PTPN4: variants seen among roughly 807,000 people sequenced by gnomAD.
The protein encoded by PTPN4 is protein tyrosine phosphatase non-receptor type 4, also known as tyrosine-protein phosphatase non-receptor type 4.
A neutral mutation model predicts 135.5 loss-of-function variants in PTPN4; 49 were observed. That is an observed-to-expected ratio of 0.36 (90% CI 0.29 to 0.46). The LOEUF is 0.46. PTPN4 is among the 20% of genes least tolerant of loss of function. PTPN4 has a pLI of 1.00. For synonymous variants in PTPN4, 333 were observed against 369.9 expected (o/e 0.90, Z 1.14); for missense variants, 860 against 1,101.0 (o/e 0.78, Z 3.10).
chr2:119,903,938 T>C (rs1277228284), intron 10 of PTPN4, among the ~76,000 whole-genome samples: 2 of 152,208 alleles, frequency 1.3e-5, no homozygotes, highest in Non-Finnish European at 2.9e-5. Context: ...GTGAAGACTA[T>C]GCTACTGCAC....
chr2:119,862,299 T>C (rs1677772548), intron 2 of PTPN4, among the ~76,000 whole-genome samples: 1 of 152,172 alleles, frequency 6.6e-6, no homozygotes, highest in Non-Finnish European at 1.5e-5. Flanking sequence ...ATGAAAACAG[T>C]TACCAAGTTA....
intron 19 of PTPN4, among the ~76,000 whole-genome samples, chr2:119,954,003 T>A (rs1679245615): frequency 6.6e-6 from 1 of 152,234 alleles, no homozygotes; most frequent in South Asian, 2.1e-4. Context: ...AACCTGCATC[T>A]GTTTTCAGTG....
intron 2 of PTPN4, among the ~76,000 whole-genome samples, chr2:119,855,152 G>T (rs145775235): frequency 1.3e-5 from 2 of 152,210 alleles, no homozygotes; most frequent in East Asian, 3.9e-4. Flanking sequence ...GTTTTTCTAA[G>T]ATGATGTTTT....
At chr2:119,778,514 A>G (rs940959189) in intron 1 of PTPN4, among the ~76,000 whole-genome samples, 4 of 152,202 alleles carry the variant, frequency 2.6e-5, no homozygotes, top group African/African-American at 9.7e-5. Flanking sequence ...GTGAATAAAC[A>G]GGTATATTGA....
intron 3 of PTPN4, among the ~76,000 whole-genome samples, chr2:119,868,155 C>T (rs111768572): frequency 0.023 from 3,533 of 152,196 alleles, 128 homozygotes; most frequent in African/African-American, 0.077. Context: ...AAGAAAGGAA[C>T]CTTTTTACTC....
chr2:119,960,719 C>T (rs891056069), intron 22 of PTPN4, 88 bp from the exon 23 acceptor site: 23 of 1,343,478 alleles, frequency 1.7e-5, no homozygotes, highest in Non-Finnish European at 2.3e-5. Flanking sequence ...GTTGTATTCA[C>T]TATAACAGTT....
In PTPN4 at chr2:119,979,883, T is replaced by C. The variant is rs1459929551; in HGVS notation, c.*2813T>C. 6.6e-6 allele frequency: 1 copy of C among 152,150 alleles called. No homozygotes were observed. The highest frequency in any genetic ancestry group is 1.5e-5 in the Non-Finnish European group (1 of 67,972). 9.4% of individuals were successfully genotyped at this position (152,150 alleles called of 1,614,324 possible). On this transcript the variant is annotated 3_prime_UTR_variant, in exon 27 of 27. Coordinates refer to ENST00000263708, the MANE Select transcript of PTPN4 (RefSeq NM_002830.4). ...TGCTAAGAAGTGTTTGTGAAAACCTTCCCTTTCTGAGTTAGGATTGTTTTT... is the reference window on the plus strand; with the variant it reads ...TGCTAAGAAGTGTTTGTGAAAACCTCCCCTTTCTGAGTTAGGATTGTTTTT...
Position 119,984,235 on chromosome 2 carries a change from A to ATT in PTPN4, c.*7169_*7170dup, listed in dbSNP as rs982197748. On this transcript the variant is annotated 3_prime_UTR_variant, in exon 27 of 27. Coordinates refer to ENST00000263708, the MANE Select transcript of PTPN4 (RefSeq NM_002830.4). ...AATTTACTATATCTGCATTATTGAT[A>ATT]TTTTTAAGTAGTAGTTTTAAAAATA... Among the ~76,000 whole-genome samples, 5 of 152,142 alleles carry ATT rather than the reference A, an allele frequency of 3.3e-5. No homozygotes were observed. The highest frequency in any genetic ancestry group is 1.2e-4 in the African/African-American group (5 of 41,444).
chr2:119,851,698 A>T (rs1054548272), intron 2 of PTPN4, among the ~76,000 whole-genome samples: 1 of 152,172 alleles, frequency 6.6e-6, no homozygotes, highest in African/African-American at 2.4e-5. Context: ...CCAACACCTG[A>T]GATTTTATTG....
Position 119,932,481 on chromosome 2 carries a change from T to C in PTPN4, c.1128T>C (p.Asn376=). Residue 376 remains asparagine (N), a synonymous_variant, in exon 14 of 27, where the codon AAT becomes AAC. Coordinates refer to ENST00000263708, the MANE Select transcript of PTPN4 (RefSeq NM_002830.4). ...KLMDWEVVSR[N]SISDDRLETQ... ...TGGATTGGGAAGTAGTAAGCAGAAA[T>C]TCAATATCTGATGACAGGTTAGAAA... 1.2e-6 allele frequency: 2 copies of C among 1,611,750 alleles called. No individual in the cohort carries two copies. Among genetic ancestry groups the C allele is most frequent in the South Asian group, 1.1e-5 (1 of 90,930 alleles).
At chr2:119,931,840 A>G (rs1678911641) in intron 13 of PTPN4, among the ~76,000 whole-genome samples, 1 of 152,106 alleles carries the variant, frequency 6.6e-6, no homozygotes, top group Non-Finnish European at 1.5e-5. Flanking sequence ...CTCCCCACCA[A>G]TAGACAGAAT....
chr2:119,811,075 A>C (rs929652160), intron 2 of PTPN4, among the ~76,000 whole-genome samples: 6 of 151,550 alleles, frequency 4.0e-5, no homozygotes, highest in African/African-American at 1.5e-4. Context: ...CACCGGGGCC[A>C]GTCGGGGGAT....
chr2:119,974,043 A>G (rs979030333), intron 26 of PTPN4, among the ~76,000 whole-genome samples: 3 of 152,290 alleles, frequency 2.0e-5, no homozygotes, highest in African/African-American at 7.2e-5. Context: ...GAAAGGCAAG[A>G]AAAACATTTG....
At chr2:119,784,273 CTT>C (rs573937387) in intron 1 of PTPN4, among the ~76,000 whole-genome samples, 9 of 131,684 alleles carry the variant, frequency 6.8e-5, no homozygotes, top group Admixed American at 1.5e-4. Context: ...TGTAGACTCC[CTT>C]TTTTTTTTTT....
chr2:119,928,967 C>T (rs1305608078), intron 13 of PTPN4, among the ~76,000 whole-genome samples: 1 of 152,068 alleles, frequency 6.6e-6, no homozygotes, highest in East Asian at 1.9e-4. Context: ...GTTATACCTG[C>T]ATCTTAGTTG....
At chr2:119,898,895 T>G (rs938882113) in intron 9 of PTPN4, among the ~76,000 whole-genome samples, 3 of 152,186 alleles carry the variant, frequency 2.0e-5, no homozygotes, top group African/African-American at 7.2e-5. Context: ...CTACTAACAT[T>G]GTATCTTGAT....
intron 1 of PTPN4, among the ~76,000 whole-genome samples, chr2:119,779,616 CAAAA>C (rs547628386): frequency 1.0e-4 from 6 of 60,154 alleles, no homozygotes; most frequent in South Asian, 1.2e-3. Flanking sequence ...GACTCCGTCT[CAAAA>C]AAAAAAAAAA....
At chr2:119,862,343 G>A (rs377680367) in intron 2 of PTPN4, among the ~76,000 whole-genome samples, 193 bp from the exon 3 acceptor site, 3 of 151,350 alleles carry the variant, frequency 2.0e-5, no homozygotes, top group Admixed American at 2.0e-4. Flanking sequence ...TTATTGGCTT[G>A]CTAAGCTTAT....
At chr2:119,969,519 C>A (rs572075729) in intron 26 of PTPN4, among the ~76,000 whole-genome samples, 2 of 150,330 alleles carry the variant, frequency 1.3e-5, no homozygotes, top group Non-Finnish European at 3.0e-5. Flanking sequence ...TAAATAAAAC[C>A]GCAGTACAAT....
Sources: allele counts gnomAD v4.1 joint callset (sites outside exome capture counted in the v4.1 genomes callset), GRCh38; gene constraint gnomAD v4.1.1; transcripts MANE v1.5; gene names NCBI Gene and HGNC (gene_info 2026-07-23, HGNC 2026-07-21).